CC2D2A: variants seen among roughly 807,000 people sequenced by gnomAD.
CC2D2A encodes coiled-coil and C2 domain-containing protein 2A.
A neutral mutation model predicts 212.9 loss-of-function variants in CC2D2A; 155 were observed. The ratio of observed to expected loss-of-function variants is 0.73; its 90% confidence interval spans 0.64 to 0.83. The LOEUF (loss-of-function observed/expected upper bound fraction) is 0.83. CC2D2A is among the 40% of genes least tolerant of loss of function. CC2D2A has a pLI of 0.00. For missense variants in CC2D2A, 1,856 were observed against 1,956.2 expected (o/e 0.95, Z 0.97); for synonymous variants, 667 against 686.5 (o/e 0.97, Z 0.44).
intron 7 of CC2D2A, among the ~76,000 whole-genome samples, chr4:15,510,827 C>T (rs1218720071): frequency 1.3e-5 from 2 of 152,028 alleles, no homozygotes; most frequent in Non-Finnish European, 2.9e-5. Flanking sequence ...AAGGAGAGTA[C>T]TAACTCCAAA....
intron 11 of CC2D2A, among the ~76,000 whole-genome samples, chr4:15,526,537 C>T (rs1717520853): frequency 6.6e-6 from 1 of 152,156 alleles, no homozygotes; most frequent in South Asian, 2.1e-4. Context: ...TACACTTTTC[C>T]TTTAAGCTCA....
chr4:15,500,799 C>T (rs1715904914), intron 4 of CC2D2A, among the ~76,000 whole-genome samples: 1 of 152,162 alleles, frequency 6.6e-6, no homozygotes, highest in African/African-American at 2.4e-5. Flanking sequence ...TTACTTTCAC[C>T]TGCTGCCTTC....
At chr4:15,541,353 T>C (rs757558624) in intron 17 of CC2D2A, among the ~76,000 whole-genome samples, 19 of 152,030 alleles carry the variant, frequency 1.2e-4, no homozygotes, top group South Asian at 1.0e-3. Context: ...ATTATTATTA[T>C]AGTTACTGCC....
chr4:15,563,292 C>A, intron 23 of CC2D2A, 63 bp from the exon 24 acceptor site: 1 of 1,472,088 alleles, frequency 6.8e-7, no homozygotes, highest in East Asian at 2.5e-5. Flanking sequence ...TTCGGGAAGT[C>A]GTCTCACAAT....
intron 33 of CC2D2A, among the ~76,000 whole-genome samples, chr4:15,594,402 G>A (rs1388216140): frequency 3.9e-5 from 6 of 152,082 alleles, no homozygotes; most frequent in South Asian, 4.1e-4. Flanking sequence ...AGTCAGCTGG[G>A]GAGGTTCTGC....
In CC2D2A at chr4:15,528,687, C is replaced by G. The variant is rs1717643312; in HGVS notation, c.1427C>G (p.Thr476Ser). 6.2e-7 allele frequency: 1 copy of G among 1,612,404 alleles called. No homozygotes were observed. The highest frequency in any genetic ancestry group is 8.5e-7 in the Non-Finnish European group (1 of 1,179,326). Residue 476 changes from threonine (T) to serine (S), a missense_variant, in exon 13 of 37, where the codon ACC (threonine) becomes AGC (serine). Thr to Ser is a moderately conservative substitution (Grantham distance 58). Coordinates refer to ENST00000424120, the MANE Select transcript of CC2D2A (RefSeq NM_001378615.1). ...DPEKPHQSLD[T>S]IQKTINEYKS... ...GAAAAACCTCATCAGTCTCTCGATACCATCCAAAAAACCATCAATGAGTAT... is the reference window on the plus strand; with the variant it reads ...GAAAAACCTCATCAGTCTCTCGATAGCATCCAAAAAACCATCAATGAGTAT...
chr4:15,571,429 T>C (rs191275149), intron 28 of CC2D2A, among the ~76,000 whole-genome samples: 1 of 152,266 alleles, frequency 6.6e-6, no homozygotes, highest in African/African-American at 2.4e-5. Flanking sequence ...ATTAAGTCTA[T>C]GGCAACAGGA....
At chr4:15,508,250 A>G (rs1716368705) in intron 6 of CC2D2A, among the ~76,000 whole-genome samples, 1 of 152,110 alleles carries the variant, frequency 6.6e-6, no homozygotes, top group Non-Finnish European at 1.5e-5. Context: ...TTGTCAATCA[A>G]GTTCTCCTGC....
chr4:15,574,037 C>G, intron 28 of CC2D2A, 113 bp from the exon 29 acceptor site: 1 of 824,316 alleles, frequency 1.2e-6, no homozygotes, highest in East Asian at 2.7e-5. Flanking sequence ...GCTTTGAATG[C>G]CAGTCTGAGC....
intron 5 of CC2D2A, 59 bp downstream of exon 5, chr4:15,502,576 C>T: frequency 7.0e-7 from 1 of 1,437,992 alleles, no homozygotes; most frequent in South Asian, 1.3e-5. Flanking sequence ...CAGGGCTTGT[C>T]TAGCTTACTT....
chr4:15,533,351 A>C lies in CC2D2A; in HGVS notation c.1607+18A>C. 1 of 1,503,304 alleles carries C rather than the reference A, an allele frequency of 6.7e-7. No individual in the cohort carries two copies. Among genetic ancestry groups the C allele is most frequent in the Non-Finnish European group, 8.9e-7 (1 of 1,119,498 alleles). 93.1% of individuals were successfully genotyped at this position (1,503,304 alleles called of 1,614,324 possible). A position where few individuals can be genotyped will look rare whatever the true frequency, so the allele number is the denominator to read the frequency against. ...TTGAGAAAGTAGGCTTTTTTGAAAA[A>C]TTATTTTATTGGGCTATATCATACA... On this transcript the variant is annotated intron_variant, in intron 14 of 36. Transcript: ENST00000424120.
At chr4:15,495,603 T>C (rs1466096253) in intron 4 of CC2D2A, among the ~76,000 whole-genome samples, 1 of 152,250 alleles carries the variant, frequency 6.6e-6, no homozygotes, top group African/African-American at 2.4e-5. Flanking sequence ...ATGGTGTATA[T>C]ATACCACATT....
chr4:15,474,875 C>A (rs550433739), intron 1 of CC2D2A, among the ~76,000 whole-genome samples: 1 of 152,144 alleles, frequency 6.6e-6, no homozygotes, highest in Admixed American at 6.5e-5. Flanking sequence ...GTATGCTAGA[C>A]CCCAAAAATA....
chr4:15,498,838 A>T (rs1715760998), intron 4 of CC2D2A, among the ~76,000 whole-genome samples: 1 of 152,222 alleles, frequency 6.6e-6, no homozygotes, highest in African/African-American at 2.4e-5. Context: ...CTTGTTTGAA[A>T]TACCTTTTTA....
intron 33 of CC2D2A, 69 bp from the exon 34 acceptor site, chr4:15,596,016 A>G: frequency 8.7e-7 from 1 of 1,143,838 alleles, no homozygotes; most frequent in Middle Eastern, 2.1e-4. Flanking sequence ...CCACACATAC[A>G]TCCATGCACA....
chr4:15,477,530 T>A (rs1290650152), intron 2 of CC2D2A, among the ~76,000 whole-genome samples: 1 of 152,180 alleles, frequency 6.6e-6, no homozygotes, highest in Non-Finnish European at 1.5e-5. Context: ...AAACATTACG[T>A]AGGTTTCTCA....
chr4:15,478,361 G>A (rs551669267), intron 2 of CC2D2A, among the ~76,000 whole-genome samples: 18 of 152,242 alleles, frequency 1.2e-4, no homozygotes, highest in East Asian at 3.9e-4. Flanking sequence ...CTTGTTAGTC[G>A]CCTTTCTTAG....
Position 15,567,524 on chromosome 4 carries a change from G to A in CC2D2A, c.3288+42G>A, listed in dbSNP as rs771511929. The A allele has an allele frequency of 1.0e-5, 16 of 1,528,562 alleles. No homozygotes were observed. In the East Asian group the frequency reaches 1.4e-4, roughly 13 times the overall value. 94.7% of individuals were successfully genotyped at this position (1,528,562 alleles called of 1,614,324 possible). On this transcript the variant is annotated intron_variant, in intron 25 of 36. Coordinates refer to ENST00000424120, the MANE Select transcript of CC2D2A (RefSeq NM_001378615.1). The stretch of plus-strand genomic sequence containing the variant: ...TTCAGCTTTCCACCTTGCCCCTTAA[G>A]TTTTTAAGAAATGACTGTAAACTTC...
intron 12 of CC2D2A, 115 bp from the exon 13 acceptor site, chr4:15,528,505 C>T (rs570647932): frequency 4.3e-5 from 30 of 704,434 alleles, no homozygotes; most frequent in African/African-American, 3.2e-4. Context: ...CTTGAACATC[C>T]GTTCCATTCA....
Sources: gnomAD v4.1 joint callset for allele counts (sites outside exome capture counted in the v4.1 genomes callset) on GRCh38, gnomAD v4.1.1 for gene constraint, MANE v1.5 for transcripts, NCBI Gene and HGNC (gene_info 2026-07-23, HGNC 2026-07-21) for gene names.